Variants in MRPL48 observed in about 807,000 individuals in gnomAD.
The protein encoded by MRPL48 is mitochondrial ribosomal protein L48.
A neutral mutation model predicts 32.9 loss-of-function variants in MRPL48; 16 were observed. The observed-to-expected ratio is 0.49, with a 90% CI of 0.33 to 0.74. The LOEUF (loss-of-function observed/expected upper bound fraction) is 0.74, where lower values mean the gene tolerates loss of function less well. MRPL48 is among the 30% of genes least tolerant of loss of function. The probability of loss-of-function intolerance (pLI) is 0.02; values close to 1 mark genes in which losing one functional copy is unlikely to be tolerated. For missense variants in MRPL48, 206 were observed against 245.3 expected, an observed-to-expected ratio of 0.84 and a Z score of 1.07; for synonymous variants, 94 against 89.2, an observed-to-expected ratio of 1.05 and a Z score of -0.31.
intron 3 of MRPL48, among the ~76,000 whole-genome samples, chr11:73,825,096 G>A (rs60078163): frequency 6.5e-4 from 99 of 152,084 alleles, no homozygotes; most frequent in African/African-American, 2.2e-3. Context: ...TCTCTGTTAC[G>A]TATGCTTTGT....
intron 5 of MRPL48, among the ~76,000 whole-genome samples, chr11:73,850,196 CTTT>C (rs35291814): frequency 7.1e-6 from 1 of 140,130 alleles, no homozygotes. Flanking sequence ...ATTACACTTG[CTTT>C]TTTTTTTTTT....
At chr11:73,836,786 C>T (rs1382046583) in intron 4 of MRPL48, among the ~76,000 whole-genome samples, 1 of 152,154 alleles carries the variant, frequency 6.6e-6, no homozygotes, top group Non-Finnish European at 1.5e-5. Flanking sequence ...TTAAGCTTCA[C>T]AATAACTTTA....
intron 3 of MRPL48, among the ~76,000 whole-genome samples, chr11:73,815,895 T>TA (rs930218245): frequency 8.0e-5 from 12 of 150,860 alleles, no homozygotes; most frequent in South Asian, 2.1e-4. Context: ...GACTTTTATT[T>TA]TTTTTTTTTT....
At chr11:73,808,236 G>T (rs1947495399) in intron 2 of MRPL48, 77 bp from the exon 3 acceptor site, 1 of 1,367,468 alleles carries the variant, frequency 7.3e-7, no homozygotes, top group South Asian at 1.3e-5. Flanking sequence ...TTTAGTGATA[G>T]AATATAAATT....
At chr11:73,855,423 C>T (rs1948468136) in intron 5 of MRPL48, among the ~76,000 whole-genome samples, 1 of 151,996 alleles carries the variant, frequency 6.6e-6, no homozygotes, top group Non-Finnish European at 1.5e-5. Flanking sequence ...TGTCCCTTTC[C>T]ACCTCAGGAC....
At chr11:73,790,062 ATTTTTTTTTTT>A (rs34534770) in intron 1 of MRPL48, among the ~76,000 whole-genome samples, 49 of 103,812 alleles carry the variant, frequency 4.7e-4, no homozygotes, top group South Asian at 4.1e-3. Context: ...TGCTCAGCTA[ATTTTTTTTTTT>A]TTTTTTTTTT....
intron 4 of MRPL48, among the ~76,000 whole-genome samples, chr11:73,839,861 G>T (rs1344650848): frequency 6.6e-6 from 1 of 152,172 alleles, no homozygotes; most frequent in Admixed American, 6.5e-5. Context: ...ACTTCGGGAG[G>T]CTGAGGTGGA....
chr11:73,803,326 T>A (rs1262334560), intron 1 of MRPL48, among the ~76,000 whole-genome samples: 1 of 152,028 alleles, frequency 6.6e-6, no homozygotes, highest in African/African-American at 2.4e-5. Context: ...AGACGGGGTT[T>A]CACCATGTTG....
chr11:73,861,967 C>T (rs1948592152), intron 6 of MRPL48, among the ~76,000 whole-genome samples: 1 of 152,116 alleles, frequency 6.6e-6, no homozygotes, highest in Non-Finnish European at 1.5e-5. Context: ...TCCTGGTATG[C>T]CTGGATATGG....
chr11:73,828,339 C>A (rs1222274600), intron 4 of MRPL48, among the ~76,000 whole-genome samples: 1 of 151,726 alleles, frequency 6.6e-6, no homozygotes, highest in Non-Finnish European at 1.5e-5. Flanking sequence ...AGCCTCCCAT[C>A]TCAGCCTCCT....
chr11:73,835,922 CA>C (rs1378999705), intron 4 of MRPL48, among the ~76,000 whole-genome samples: 3 of 151,800 alleles, frequency 2.0e-5, no homozygotes, highest in African/African-American at 7.3e-5. Context: ...TTTAAAATGC[CA>C]TTTATTTATT....
intron 5 of MRPL48, among the ~76,000 whole-genome samples, chr11:73,852,237 G>A (rs370085426): frequency 3.3e-5 from 5 of 152,096 alleles, no homozygotes; most frequent in Admixed American, 6.6e-5. Flanking sequence ...TGACAATTAG[G>A]CTGTTCACTG....
intron 3 of MRPL48, among the ~76,000 whole-genome samples, chr11:73,815,522 G>C (rs553287112): frequency 6.6e-6 from 1 of 151,458 alleles, no homozygotes; most frequent in Non-Finnish European, 1.5e-5. Flanking sequence ...TTGGAGTCAG[G>C]ATCTCTCTTT....
At chr11:73,856,140 A>ATG (rs558504762) in intron 5 of MRPL48, among the ~76,000 whole-genome samples, 145 of 152,234 alleles carry the variant, frequency 9.5e-4, no homozygotes, top group Non-Finnish European at 1.8e-3. Context: ...GATGAATGAT[A>ATG]TGCTGCTTTT....
Position 73,813,380 on chromosome 11 carries a change from G to C in MRPL48, c.112+5030G>C, listed in dbSNP as rs1231838835. ...GTAGAGACAGGGTTTCACCATGTTG[G>C]TCAGGCTGGTCTCTAACTCCTGACC... On this transcript the variant is annotated intron_variant, in intron 3 of 7. Coordinates refer to ENST00000310614, the MANE Select transcript of MRPL48 (RefSeq NM_016055.6). Among the ~76,000 whole-genome samples the C allele has an allele frequency of 4.0e-5, 6 of 151,850 alleles. No individual in the cohort carries two copies. In the East Asian group the frequency reaches 9.8e-4, roughly 25 times the overall value.
At chr11:73,799,484 T>A (rs1794838815) in intron 1 of MRPL48, among the ~76,000 whole-genome samples, 1 of 152,182 alleles carries the variant, frequency 6.6e-6, no homozygotes, top group South Asian at 2.1e-4. Flanking sequence ...AGAGCTCTGA[T>A]TGTGGGGTCA....
At chr11:73,811,854 G>C (rs1947572862) in intron 3 of MRPL48, among the ~76,000 whole-genome samples, 1 of 152,108 alleles carries the variant, frequency 6.6e-6, no homozygotes. Context: ...CTGTACAAAA[G>C]TGTATATGAT....
chr11:73,828,655 C>T (rs1947942668), intron 4 of MRPL48, among the ~76,000 whole-genome samples: 2 of 151,900 alleles, frequency 1.3e-5, no homozygotes, highest in South Asian at 4.1e-4. Flanking sequence ...AAGGAAGATA[C>T]AAAGCGCTAT....
chr11:73,841,433 A>G (rs531618862), intron 4 of MRPL48, among the ~76,000 whole-genome samples: 1 of 152,348 alleles, frequency 6.6e-6, no homozygotes, highest in South Asian at 2.1e-4. Flanking sequence ...ATTGTGGCAT[A>G]TTCATACAGT....
Sources: allele counts gnomAD v4.1 joint callset (sites outside exome capture counted in the v4.1 genomes callset), GRCh38; gene constraint gnomAD v4.1.1; transcripts MANE v1.5; gene names NCBI Gene and HGNC (gene_info 2026-07-23, HGNC 2026-07-21).